Variants in LRSAM1 observed in about 807,000 individuals in gnomAD.
The protein encoded by LRSAM1 is E3 ubiquitin-protein ligase LRSAM1.
In LRSAM1, 96 loss-of-function variants were observed where a neutral mutation model predicts 118.1. The observed-to-expected ratio is 0.81, with a 90% confidence interval of 0.69 to 0.96. The LOEUF (loss-of-function observed/expected upper bound fraction) is 0.96, where lower values mean the gene tolerates loss of function less well. LRSAM1 is among the 40% of genes least tolerant of loss of function. The pLI is 0.00. For missense variants in LRSAM1, 804 were observed against 915.5 expected, an observed-to-expected ratio of 0.88 and a Z score of 1.57; for synonymous variants, 322 against 364.2, an observed-to-expected ratio of 0.88 and a Z score of 1.32.
chr9:127,495,251 C>T (rs1836084472), intron 21 of LRSAM1, 69 bp from the exon 22 acceptor site: 7 of 1,478,214 alleles, frequency 4.7e-6, no homozygotes, highest in Non-Finnish European at 6.6e-6. Context: ...CCGCGCCTGG[C>T]AACCATCATT....
chr9:127,462,246 C>T lies in LRSAM1; in HGVS notation c.407-6C>T, dbSNP rs1233775860. The stretch of plus-strand genomic sequence containing the variant: ...GTGTTGAGCTGTGCTATTGGGGTCT[C>T]TGCAGACAACAAGCTGAAGGAGCTT... On this transcript the variant is annotated splice_polypyrimidine_tract_variant and splice_region_variant and intron_variant, in intron 8 of 25. Transcript: ENST00000300417. 1 of 1,614,042 alleles carries T rather than the reference C, an allele frequency of 6.2e-7. No homozygotes were observed.
At chr9:127,495,072 C>G (rs944824631) in intron 21 of LRSAM1, among the ~76,000 whole-genome samples, 1 of 152,184 alleles carries the variant, frequency 6.6e-6, no homozygotes. Flanking sequence ...CTGCCTCAGC[C>G]TCTCGAGTAG....
At chr9:127,454,750 G>A in intron 3 of LRSAM1, 151 bp downstream of exon 3, 1 of 933,128 alleles carries the variant, frequency 1.1e-6, no homozygotes. Context: ...CAACAGATGA[G>A]GCCCCCTGCC....
intron 5 of LRSAM1, among the ~76,000 whole-genome samples, chr9:127,456,111 G>T (rs1458797190): frequency 7.3e-6 from 1 of 137,848 alleles, no homozygotes; most frequent in Non-Finnish European, 1.5e-5. Context: ...TTGCAGCTTT[G>T]AATGCAGATG....
At chr9:127,462,902 A>G (rs1368908734) in intron 9 of LRSAM1, among the ~76,000 whole-genome samples, 1 of 152,188 alleles carries the variant, frequency 6.6e-6, no homozygotes, top group Non-Finnish European at 1.5e-5. Flanking sequence ...TAAAGGAGGA[A>G]TAAGATTTCT....
At chr9:127,474,468 A>G (rs1835287599) in intron 11 of LRSAM1, among the ~76,000 whole-genome samples, 1 of 152,002 alleles carries the variant, frequency 6.6e-6, no homozygotes. Flanking sequence ...ACATCCTCTG[A>G]GAAGCTCCAG....
chr9:127,468,827 A>AC (rs1554755535), intron 10 of LRSAM1, among the ~76,000 whole-genome samples: 2,135 of 147,758 alleles, frequency 0.014, 63 homozygotes, highest in Non-Finnish European at 0.023. Flanking sequence ...AAAAAAAAAA[A>AC]AAAAAAAAAA....
In LRSAM1 at chr9:127,461,264, A is replaced by G. The variant is rs1163117546; in HGVS notation, c.406+7A>G. 6.2e-7 allele frequency: 1 copy of G among 1,609,486 alleles called. No homozygotes were observed. The highest frequency in any genetic ancestry group is 1.3e-5 in the African/African-American group (1 of 74,786). ...CAGACTCTCAATGTTAAAGGTAGGG[A>G]CCAAGAAGCCGTGTCCGTGTGACCC... On this transcript the variant is annotated splice_region_variant and intron_variant, in intron 8 of 25. Transcript: ENST00000300417.
At chr9:127,478,148 A>T (rs1835406814) in intron 11 of LRSAM1, among the ~76,000 whole-genome samples, 1 of 152,192 alleles carries the variant, frequency 6.6e-6, no homozygotes, top group Non-Finnish European at 1.5e-5. Context: ...AACACCAATA[A>T]TTACATTACA....
At chr9:127,479,127 G>A (rs1305472229) in intron 12 of LRSAM1, among the ~76,000 whole-genome samples, 164 bp downstream of exon 12, 1 of 152,152 alleles carries the variant, frequency 6.6e-6, no homozygotes, top group Admixed American at 6.6e-5. Context: ...GCCTCAGGTG[G>A]GTGGTAGAGC....
At chr9:127,462,193 G>A (rs963372460) in intron 8 of LRSAM1, 59 bp from the exon 9 acceptor site, 1 of 1,610,958 alleles carries the variant, frequency 6.2e-7, no homozygotes, top group Non-Finnish European at 8.5e-7. Context: ...GCGGGCATCA[G>A]GCAGGAAGCT....
At chr9:127,461,363 C>A in intron 8 of LRSAM1, 106 bp downstream of exon 8, 1 of 965,336 alleles carries the variant, frequency 1.0e-6, no homozygotes, top group Non-Finnish European at 1.6e-6. Flanking sequence ...AGGAGGGCAG[C>A]CAGTCTCCGG....
At chr9:127,494,935 C>G (rs1198605600) in intron 21 of LRSAM1, among the ~76,000 whole-genome samples, 2 of 152,128 alleles carry the variant, frequency 1.3e-5, no homozygotes, top group African/African-American at 2.4e-5. Flanking sequence ...TGGTTCATAA[C>G]CATCATTTTG....
rs1477802178 is a variant in LRSAM1 at position 127,481,204 on chromosome 9, T to G, written c.1065T>G (p.Ile355Met). 1.2e-6 allele frequency: 2 copies of G among 1,613,802 alleles called. No homozygotes were observed. Among genetic ancestry groups the G allele is most frequent in the Admixed American group, 3.3e-5 (2 of 59,984 alleles). Residue 355 changes from isoleucine (I) to methionine (M), a missense_variant, in exon 15 of 26, where the codon ATT (isoleucine) becomes ATG (methionine). Ile to Met is a conservative substitution (Grantham distance 10, BLOSUM62 1). Coordinates refer to ENST00000300417, the MANE Select transcript of LRSAM1 (RefSeq NM_001005373.4). Reference sequence around the variant, plus strand: ...ACAGACAAAAGAAAAGCTCCGAGATTTTGAAATCGCTGGAAAATGAAAGGT... The same window carrying G: ...ACAGACAAAAGAAAAGCTCCGAGATGTTGAAATCGCTGGAAAATGAAAGGT... ...DNQRQKKSSE[I>M]LKSLENERIR...
Position 127,455,172 on chromosome 9 carries a change from G to A in LRSAM1, c.129+118G>A, listed in dbSNP as rs554398886. On this transcript the variant is annotated intron_variant, in intron 4 of 25. Coordinates refer to ENST00000300417, the MANE Select transcript of LRSAM1 (RefSeq NM_001005373.4). ...TAGAAAGGCCAGAAGCTCTAGTCACGAGATGTTTCCTTAGATTTTGTTCTC... is the reference window on the plus strand; with the variant it reads ...TAGAAAGGCCAGAAGCTCTAGTCACAAGATGTTTCCTTAGATTTTGTTCTC... 108 of 1,018,142 alleles carry A rather than the reference G, an allele frequency of 1.1e-4. No individual in the cohort carries two copies. The African/African-American group carries it at 1.3e-3, about 13-fold the overall frequency. The allele number at this position is 1,018,142 out of a possible 1,614,324, so 63.1% of individuals were successfully genotyped here. A position where few individuals can be genotyped will look rare whatever the true frequency, so the allele number is the denominator to read the frequency against.
chr9:127,460,588 G>A (rs1834698079), intron 7 of LRSAM1, among the ~76,000 whole-genome samples: 1 of 152,218 alleles, frequency 6.6e-6, no homozygotes, highest in South Asian at 2.1e-4. Flanking sequence ...TGTGGTCGGT[G>A]TAAGTGCTGG....
chr9:127,472,015 G>A (rs1230403830), intron 10 of LRSAM1, among the ~76,000 whole-genome samples: 2 of 151,058 alleles, frequency 1.3e-5, no homozygotes, highest in African/African-American at 2.4e-5. Context: ...AGGCTGGAGT[G>A]CGGTGGCGCA....
intron 23 of LRSAM1, among the ~76,000 whole-genome samples, chr9:127,496,730 G>C (rs999319561): frequency 1.3e-5 from 2 of 152,150 alleles, no homozygotes; most frequent in African/African-American, 4.8e-5. Context: ...CCCAGAGTTC[G>C]TGTTCTTTTT....
chr9:127,497,583 T>C (rs1027354517), intron 24 of LRSAM1, among the ~76,000 whole-genome samples: 2 of 152,152 alleles, frequency 1.3e-5, no homozygotes, highest in Non-Finnish European at 2.9e-5. Context: ...CCCTCCCAGC[T>C]CCCTGTCCCA....
Sources: allele counts gnomAD v4.1 joint callset (sites outside exome capture counted in the v4.1 genomes callset), GRCh38; gene constraint gnomAD v4.1.1; transcripts MANE v1.5; gene names NCBI Gene and HGNC (gene_info 2026-07-23, HGNC 2026-07-21).